RAD51B: variants seen among roughly 807,000 people sequenced by gnomAD.
RAD51B encodes DNA repair protein RAD51 homolog 2.
In RAD51B, 38 loss-of-function variants were observed where a neutral mutation model predicts 42.2. That is an observed-to-expected ratio of 0.90 (90% confidence interval 0.70 to 1.18). The LOEUF (loss-of-function observed/expected upper bound fraction) is 1.18. RAD51B is among the 50% of genes most tolerant of loss of function. RAD51B has a pLI of 0.00. For missense variants in RAD51B, 373 were observed against 400.7 expected (o/e 0.93, Z 0.59); for synonymous variants, 154 against 145.2 (o/e 1.06, Z -0.43).
chr14:68,586,508 G>A (rs916846191), intron 10 of RAD51B, among the ~76,000 whole-genome samples: 1 of 152,226 alleles, frequency 6.6e-6, no homozygotes, highest in South Asian at 2.1e-4. Flanking sequence ...GTCAGGGGAG[G>A]TGGGGGCAGA....
intron 10 of RAD51B, among the ~76,000 whole-genome samples, chr14:68,550,838 T>C (rs924161383): frequency 6.6e-6 from 1 of 151,992 alleles, no homozygotes; most frequent in African/African-American, 2.4e-5. Flanking sequence ...CATTGGGAAA[T>C]AATAGCAAAT....
intron 9 of RAD51B, among the ~76,000 whole-genome samples, chr14:68,427,890 T>A (rs2084892634): frequency 6.6e-6 from 1 of 152,202 alleles, no homozygotes; most frequent in African/African-American, 2.4e-5. Context: ...TTAATGACCA[T>A]TGTGATAGTA....
chr14:68,394,857 GC>G, intron 8 of RAD51B, among the ~76,000 whole-genome samples: 1 of 152,330 alleles, frequency 6.6e-6, no homozygotes, highest in Non-Finnish European at 1.5e-5. Flanking sequence ...CTCCGATGCT[GC>G]CCACTGTCCT....
intron 3 of RAD51B, among the ~76,000 whole-genome samples, chr14:67,832,955 C>T (rs1331909273): frequency 6.6e-6 from 1 of 152,022 alleles, no homozygotes; most frequent in African/African-American, 2.4e-5. Flanking sequence ...ATTAAAAAAA[C>T]AATTTTCCTT....
At chr14:68,234,544 G>A (rs2080208696) in intron 7 of RAD51B, among the ~76,000 whole-genome samples, 2 of 152,132 alleles carry the variant, frequency 1.3e-5, no homozygotes, top group Non-Finnish European at 2.9e-5. Flanking sequence ...TTATTCCTGG[G>A]CAGCAAACCT....
At chr14:68,559,486 C>A (rs1325831135) in intron 10 of RAD51B, among the ~76,000 whole-genome samples, 1 of 151,124 alleles carries the variant, frequency 6.6e-6, no homozygotes, top group Non-Finnish European at 1.5e-5. Context: ...GTTCAAGTGA[C>A]CCTCCTGCCT....
At chr14:68,006,442 A>G (rs2140321668) in intron 7 of RAD51B, among the ~76,000 whole-genome samples, 1 of 152,158 alleles carries the variant, frequency 6.6e-6, no homozygotes, top group South Asian at 2.1e-4. Context: ...AAGTTGTTTA[A>G]TCTATTTTTG....
At chr14:68,104,243 A>G (rs1252364777) in intron 7 of RAD51B, among the ~76,000 whole-genome samples, 1 of 152,150 alleles carries the variant, frequency 6.6e-6, no homozygotes, top group Non-Finnish European at 1.5e-5. Flanking sequence ...GGTTTAAAGA[A>G]TCAGCAAATT....
intron 7 of RAD51B, among the ~76,000 whole-genome samples, chr14:68,264,683 C>G (rs1030261437): frequency 6.6e-6 from 1 of 152,030 alleles, no homozygotes; most frequent in Non-Finnish European, 1.5e-5. Flanking sequence ...GGAGGTTGAG[C>G]AGGGATTATT....
At chr14:68,503,983 G>C (rs913455891) in intron 10 of RAD51B, among the ~76,000 whole-genome samples, 3 of 152,190 alleles carry the variant, frequency 2.0e-5, no homozygotes, top group African/African-American at 7.2e-5. Context: ...AAAACTTCAC[G>C]GTGGTGGTGT....
At chr14:68,258,836 C>T (rs1241185848) in intron 7 of RAD51B, among the ~76,000 whole-genome samples, 2 of 152,118 alleles carry the variant, frequency 1.3e-5, no homozygotes, top group Non-Finnish European at 2.9e-5. Flanking sequence ...AACACCCACT[C>T]AAGCCAGCTC....
chr14:68,037,812 GT>G (rs767477442), intron 7 of RAD51B, among the ~76,000 whole-genome samples: 34 of 152,176 alleles, frequency 2.2e-4, no homozygotes, highest in Non-Finnish European at 4.4e-4. Context: ...CGTATGTTCT[GT>G]TTTGTAGAGA....
intron 7 of RAD51B, among the ~76,000 whole-genome samples, chr14:67,960,262 A>G (rs557874314): frequency 1.3e-5 from 2 of 152,362 alleles, no homozygotes; most frequent in South Asian, 4.1e-4. Context: ...AAGTCATGTA[A>G]TAGTAGGAGC....
At chr14:68,438,863 A>G (rs1282756925) in intron 9 of RAD51B, among the ~76,000 whole-genome samples, 1 of 152,172 alleles carries the variant, frequency 6.6e-6, no homozygotes, top group Non-Finnish European at 1.5e-5. Flanking sequence ...TGTAAAGTCC[A>G]GGGGAGTGGC....
chr14:68,429,700 C>T (rs1021366113), intron 9 of RAD51B, among the ~76,000 whole-genome samples: 6 of 152,078 alleles, frequency 3.9e-5, no homozygotes, highest in African/African-American at 1.2e-4. Context: ...CTGTAGGTTG[C>T]CTGTTCACTC....
chr14:68,190,621 T>C (rs2079245881), intron 7 of RAD51B, among the ~76,000 whole-genome samples: 1 of 152,180 alleles, frequency 6.6e-6, no homozygotes, highest in Non-Finnish European at 1.5e-5. Flanking sequence ...ATGCCTGTTA[T>C]ATCCAAGGCA....
intron 7 of RAD51B, among the ~76,000 whole-genome samples, chr14:68,165,886 G>T (rs1194921117): frequency 6.6e-6 from 1 of 152,118 alleles, no homozygotes; most frequent in East Asian, 1.9e-4. Flanking sequence ...GGTAAGCATA[G>T]TACATAAAAG....
chr14:68,563,932 T>C, intron 10 of RAD51B: 6 of 983,364 alleles, frequency 6.1e-6, no homozygotes, highest in Non-Finnish European at 7.2e-6. Context: ...AAAATAATAT[T>C]GGCCCTGATA....
intron 8 of RAD51B, among the ~76,000 whole-genome samples, chr14:68,304,809 T>C (rs750164696): frequency 2.7e-4 from 41 of 152,310 alleles, no homozygotes; most frequent in Non-Finnish European, 5.0e-4. Context: ...TCTGTCACAT[T>C]CTGTCTTCGG....
Sources: gnomAD v4.1 joint callset for allele counts (sites outside exome capture counted in the v4.1 genomes callset) on GRCh38, gnomAD v4.1.1 for gene constraint, MANE v1.5 for transcripts, NCBI Gene and HGNC (gene_info 2026-07-23, HGNC 2026-07-21) for gene names.